Variants in PCDH9 observed in about 807,000 individuals in gnomAD.
The protein encoded by PCDH9 is protocadherin-9.
Under a neutral mutation model 70.6 loss-of-function variants are expected in PCDH9, and 24 were observed. The ratio of observed to expected loss-of-function variants is 0.34; its 90% CI spans 0.25 to 0.48. The LOEUF is 0.48. Ranked by LOEUF, PCDH9 falls within the 20% of genes least tolerant of loss-of-function variation. The pLI is 0.99. For missense variants in PCDH9, 1,281 were observed against 1,503.6 expected (o/e 0.85, Z 2.45); for synonymous variants, 562 against 558.5 (o/e 1.01, Z -0.09).
intron 4 of PCDH9, among the ~76,000 whole-genome samples, chr13:66,585,075 G>C (rs183455593): frequency 2.8e-4 from 42 of 152,086 alleles, no homozygotes; most frequent in Non-Finnish European, 4.7e-4. Context: ...CTGAGGTATG[G>C]GGGTTCATAT....
chr13:66,664,672 T>C (rs186108163), intron 3 of PCDH9, among the ~76,000 whole-genome samples: 432 of 152,314 alleles, frequency 2.8e-3, no homozygotes, highest in African/African-American at 9.8e-3. Flanking sequence ...AACTATGATA[T>C]ATATTCTCCA....
chr13:66,416,672 C>G (rs902724828), intron 4 of PCDH9, among the ~76,000 whole-genome samples: 4 of 151,932 alleles, frequency 2.6e-5, no homozygotes, highest in Admixed American at 6.6e-5. Context: ...GGTCCAACAG[C>G]GACTTGACCT....
chr13:66,883,235 T>A (rs1475783923), intron 3 of PCDH9, among the ~76,000 whole-genome samples: 5 of 152,142 alleles, frequency 3.3e-5, no homozygotes, highest in African/African-American at 1.2e-4. Context: ...GAGGTGAAAA[T>A]AATAATTTAA....
chr13:66,689,937 T>A (rs2078459069), intron 3 of PCDH9, among the ~76,000 whole-genome samples: 1 of 152,214 alleles, frequency 6.6e-6, no homozygotes, highest in Admixed American at 6.5e-5. Flanking sequence ...AGATATATCC[T>A]AAGTATTATC....
intron 2 of PCDH9, among the ~76,000 whole-genome samples, chr13:66,999,676 A>G (rs2084198775): frequency 6.6e-6 from 1 of 152,102 alleles, no homozygotes; most frequent in Admixed American, 6.5e-5. Flanking sequence ...GGTGAAGGAC[A>G]TGAACAGACA....
chr13:66,595,629 T>C (rs2077093695), intron 4 of PCDH9, among the ~76,000 whole-genome samples: 1 of 151,704 alleles, frequency 6.6e-6, no homozygotes, highest in South Asian at 2.1e-4. Flanking sequence ...TTGTTTATAA[T>C]TGTAATCTCT....
chr13:66,948,817 T>C lies in PCDH9; in HGVS notation c.3037-45212A>G, dbSNP rs533168533. ...CAACTTTCTTCATTACAAGAATATA[T>C]TTGAAAGCCTCCTTAAATTGTTTTC... On this transcript the variant is annotated intron_variant, in intron 2 of 4. Coordinates refer to ENST00000377865, the MANE Select transcript of PCDH9 (RefSeq NM_203487.3). Among the ~76,000 whole-genome samples the C allele has an allele frequency of 1.6e-4, 25 of 152,200 alleles. No homozygotes were observed. In the East Asian group the frequency reaches 3.5e-3, roughly 21 times the overall value.
At chr13:66,769,707 A>C (rs1037030778) in intron 3 of PCDH9, among the ~76,000 whole-genome samples, 1 of 152,184 alleles carries the variant, frequency 6.6e-6, no homozygotes, top group Non-Finnish European at 1.5e-5. Flanking sequence ...TGTTCATTGC[A>C]ACAAACACTG....
chr13:66,391,072 G>A (rs551978521), intron 4 of PCDH9, among the ~76,000 whole-genome samples: 1 of 152,278 alleles, frequency 6.6e-6, no homozygotes, highest in Admixed American at 6.5e-5. Context: ...GTGGAAAACA[G>A]CATGTAATAT....
At chr13:67,144,629 T>C (rs2087476454) in intron 2 of PCDH9, among the ~76,000 whole-genome samples, 1 of 152,162 alleles carries the variant, frequency 6.6e-6, no homozygotes, top group Non-Finnish European at 1.5e-5. Flanking sequence ...ATGAAGGATA[T>C]TTTTTCATTC....
At chr13:67,082,644 C>T (rs910347336) in intron 2 of PCDH9, among the ~76,000 whole-genome samples, 4 of 152,116 alleles carry the variant, frequency 2.6e-5, no homozygotes, top group African/African-American at 9.7e-5. Flanking sequence ...ATTTTTAAAT[C>T]AAAATTGCAC....
chr13:66,583,306 T>C (rs1342755318), intron 4 of PCDH9, among the ~76,000 whole-genome samples: 1 of 152,128 alleles, frequency 6.6e-6, no homozygotes, highest in African/African-American at 2.4e-5. Flanking sequence ...GATTATCTAC[T>C]CAATGTTTAA....
At chr13:66,438,299 A>G (rs1168130005) in intron 4 of PCDH9, among the ~76,000 whole-genome samples, 2 of 152,054 alleles carry the variant, frequency 1.3e-5, no homozygotes, top group Non-Finnish European at 2.9e-5. Context: ...ATTACAATGG[A>G]TTAATAAAAT....
chr13:66,341,583 A>G (rs140449683), intron 4 of PCDH9, among the ~76,000 whole-genome samples: 1 of 152,162 alleles, frequency 6.6e-6, no homozygotes, highest in Non-Finnish European at 1.5e-5. Flanking sequence ...AGTGATTCCT[A>G]TGCACATTAG....
chr13:66,582,250 C>T (rs538926497), intron 4 of PCDH9, among the ~76,000 whole-genome samples: 22 of 152,036 alleles, frequency 1.4e-4, no homozygotes, highest in Middle Eastern at 3.2e-3. Flanking sequence ...AGCACCCATG[C>T]TAAGAATAAT....
At chr13:67,135,075 T>G (rs2087202720) in intron 2 of PCDH9, among the ~76,000 whole-genome samples, 1 of 152,124 alleles carries the variant, frequency 6.6e-6, no homozygotes, top group Non-Finnish European at 1.5e-5. Flanking sequence ...TAATAATGCA[T>G]TTTGTTGATT....
chr13:66,618,640 G>A (rs894673725), intron 4 of PCDH9, among the ~76,000 whole-genome samples: 2 of 151,970 alleles, frequency 1.3e-5, no homozygotes, highest in Non-Finnish European at 2.9e-5. Context: ...ATACTTCTAA[G>A]AGTTACTGAT....
chr13:67,164,653 C>A lies in PCDH9; in HGVS notation c.3036+60752G>T, dbSNP rs955210326. On this transcript the variant is annotated intron_variant, in intron 2 of 4. Coordinates refer to ENST00000377865, the MANE Select transcript of PCDH9 (RefSeq NM_203487.3). ...CTTGTGATGTGCTGTTGCAAACTCT[C>A]CCTACCCTTCCAGGTGCCTGCACTC... Among the ~76,000 whole-genome samples the A allele has an allele frequency of 5.9e-5, 9 of 152,102 alleles. No homozygotes were observed. In the South Asian group the frequency reaches 1.9e-3, roughly 32 times the overall value.
At chr13:66,948,001 TG>T (rs1331942378) in intron 2 of PCDH9, among the ~76,000 whole-genome samples, 1 of 151,988 alleles carries the variant, frequency 6.6e-6, no homozygotes, top group African/African-American at 2.4e-5. Flanking sequence ...TTTTTAAGCA[TG>T]GGGGGATGAT....
Sources: allele counts gnomAD v4.1 joint callset (sites outside exome capture counted in the v4.1 genomes callset), GRCh38; gene constraint gnomAD v4.1.1; transcripts MANE v1.5; gene names NCBI Gene and HGNC (gene_info 2026-07-23, HGNC 2026-07-21).